The following DYNC1I1 variants were observed in gnomAD, a reference collection of about 807,000 sequenced individuals.
The protein encoded by DYNC1I1 is cytoplasmic dynein 1 intermediate chain 1.
In DYNC1I1, 43 loss-of-function variants were observed where a neutral mutation model predicts 86.6. That is an observed-to-expected ratio of 0.50 (90% CI 0.39 to 0.64). The LOEUF is 0.64. Ranked by LOEUF, DYNC1I1 falls within the 30% of genes least tolerant of loss-of-function variation. DYNC1I1 has a pLI of 0.00. For synonymous variants in DYNC1I1, 262 were observed against 283.7 expected (o/e 0.92, Z 0.77); for missense variants, 604 against 788.8 (o/e 0.77, Z 2.81).
chr7:95,883,513 G>A (rs961151603), intron 6 of DYNC1I1, among the ~76,000 whole-genome samples: 1 of 152,200 alleles, frequency 6.6e-6, no homozygotes, highest in African/African-American at 2.4e-5. Flanking sequence ...CCCCGAGGTA[G>A]TTTCCGTGGA....
intron 16 of DYNC1I1, among the ~76,000 whole-genome samples, chr7:96,096,194 A>G (rs1277081621): frequency 2.0e-5 from 3 of 152,122 alleles, no homozygotes; most frequent in Admixed American, 2.0e-4. Flanking sequence ...TCTTGGACAG[A>G]TAGTATTTGA....
chr7:95,948,672 A>T (rs551104308), intron 6 of DYNC1I1, among the ~76,000 whole-genome samples: 32 of 152,326 alleles, frequency 2.1e-4, no homozygotes, highest in Admixed American at 8.5e-4. Context: ...ATAAAGGATT[A>T]TGTGGGAACT....
chr7:95,945,086 TAAA>T (rs960553590), intron 6 of DYNC1I1, among the ~76,000 whole-genome samples: 54 of 151,590 alleles, frequency 3.6e-4, no homozygotes, highest in African/African-American at 1.1e-3. Context: ...TAAAATAAAA[TAAA>T]AAACCATTTT....
chr7:96,063,824 T>C (rs1477595067), intron 14 of DYNC1I1, among the ~76,000 whole-genome samples: 2 of 152,308 alleles, frequency 1.3e-5, no homozygotes, highest in African/African-American at 2.4e-5. Context: ...ATTATCACAA[T>C]TGATCCTTGG....
intron 5 of DYNC1I1, among the ~76,000 whole-genome samples, chr7:95,831,736 G>A (rs921908600): frequency 1.1e-4 from 17 of 152,026 alleles, no homozygotes; most frequent in Admixed American, 1.0e-3. Flanking sequence ...GCATGTCTCT[G>A]ATAATTAGTG....
chr7:95,916,268 G>C (rs1791465227), intron 6 of DYNC1I1, among the ~76,000 whole-genome samples: 1 of 152,180 alleles, frequency 6.6e-6, no homozygotes, highest in Non-Finnish European at 1.5e-5. Flanking sequence ...TGTGGGCTTA[G>C]AGAACTTTAT....
intron 5 of DYNC1I1, among the ~76,000 whole-genome samples, chr7:95,835,490 G>A (rs1035657968): frequency 1.3e-5 from 2 of 151,402 alleles, no homozygotes; most frequent in Non-Finnish European, 2.9e-5. Flanking sequence ...TATTAGGTCT[G>A]CTTGGTGCAG....
At chr7:95,914,780 G>A (rs536620263) in intron 6 of DYNC1I1, among the ~76,000 whole-genome samples, 15 of 152,316 alleles carry the variant, frequency 9.8e-5, no homozygotes, top group East Asian at 9.6e-4. Context: ...GGTCTAGTCT[G>A]AATTCTCCCG....
At chr7:95,879,664 G>C (rs1790401526) in intron 6 of DYNC1I1, among the ~76,000 whole-genome samples, 1 of 152,132 alleles carries the variant, frequency 6.6e-6, no homozygotes, top group African/African-American at 2.4e-5. Flanking sequence ...AGACAGTTAA[G>C]GGTCAAAATC....
chr7:95,824,776 C>G (rs901382144), intron 4 of DYNC1I1, among the ~76,000 whole-genome samples: 6 of 152,186 alleles, frequency 3.9e-5, no homozygotes, highest in Non-Finnish European at 8.8e-5. Context: ...GACCTGCAAC[C>G]CGGGGCCAGG....
chr7:96,049,680 T>C (rs1458123229), intron 14 of DYNC1I1, among the ~76,000 whole-genome samples: 1 of 152,058 alleles, frequency 6.6e-6, no homozygotes, highest in African/African-American at 2.4e-5. Context: ...GACAACACTA[T>C]GAAATAGAAT....
At chr7:95,817,320 A>G (rs897059149) in intron 4 of DYNC1I1, among the ~76,000 whole-genome samples, 9 of 152,278 alleles carry the variant, frequency 5.9e-5, no homozygotes, top group African/African-American at 1.9e-4. Flanking sequence ...AAGTTCATAC[A>G]GAGTGTTGTT....
intron 1 of DYNC1I1, among the ~76,000 whole-genome samples, chr7:95,798,351 T>C (rs1794495768): frequency 6.6e-6 from 1 of 152,142 alleles, no homozygotes; most frequent in East Asian, 1.9e-4. Context: ...GACTGAGCTA[T>C]AGCTGTAAAA....
chr7:95,829,493 G>A (rs1584259018), intron 5 of DYNC1I1, among the ~76,000 whole-genome samples: 3 of 152,064 alleles, frequency 2.0e-5, no homozygotes, highest in Middle Eastern at 6.8e-3. Flanking sequence ...ATAGTTCAGG[G>A]GAACTTCAGA....
At chr7:96,054,486 TTTGGGTGTA>T (rs1789511526) in intron 14 of DYNC1I1, among the ~76,000 whole-genome samples, 1 of 152,234 alleles carries the variant, frequency 6.6e-6, no homozygotes, top group Non-Finnish European at 1.5e-5. Context: ...TTTATAATCC[TTTGGGTGTA>T]TACCCAGTAA....
chr7:95,957,434 C>T (rs1365311878), intron 6 of DYNC1I1, among the ~76,000 whole-genome samples: 1 of 151,982 alleles, frequency 6.6e-6, no homozygotes, highest in Non-Finnish European at 1.5e-5. Context: ...TGTCCAAGAT[C>T]TTTATCCCCT....
In DYNC1I1 at chr7:95,985,155, G is replaced by A. The variant is rs2073984; in HGVS notation, c.743+178G>A. On this transcript the variant is annotated intron_variant, in intron 8 of 16. Transcript: ENST00000447467. Reference sequence around the variant, plus strand: ...TTGGTGATAACTTCTGGCTTAGAGCGTCCTTGTAATTATCATGTGCTTCTG... The same window carrying A: ...TTGGTGATAACTTCTGGCTTAGAGCATCCTTGTAATTATCATGTGCTTCTG... Among the ~76,000 whole-genome samples the A allele has an allele frequency of 4.6e-5, 7 of 152,052 alleles. No homozygotes were observed. In the East Asian group the frequency reaches 9.7e-4, roughly 21 times the overall value.
chr7:95,913,238 T>C (rs1791384458), intron 6 of DYNC1I1, among the ~76,000 whole-genome samples: 1 of 152,190 alleles, frequency 6.6e-6, no homozygotes, highest in South Asian at 2.1e-4. Context: ...TTAGTTCTCT[T>C]GAAATTTCAT....
At chr7:95,842,554 A>G (rs1223274723) in intron 5 of DYNC1I1, among the ~76,000 whole-genome samples, 1 of 152,178 alleles carries the variant, frequency 6.6e-6, no homozygotes, top group African/African-American at 2.4e-5. Flanking sequence ...GTCAGCTTGC[A>G]CAAGTTAAGT....
Sources: allele counts gnomAD v4.1 joint callset (sites outside exome capture counted in the v4.1 genomes callset), GRCh38; gene constraint gnomAD v4.1.1; transcripts MANE v1.5; gene names NCBI Gene and HGNC (gene_info 2026-07-23, HGNC 2026-07-21).